Variants in VAT1L observed in about 807,000 individuals in gnomAD.
VAT1L encodes the protein vesicle amine transport 1 like, also known as putative NADPH-dependent quinone oxidoreductase VAT1L.
In VAT1L, 34 loss-of-function variants were observed where a neutral mutation model predicts 44.1. That is an observed-to-expected ratio of 0.77 (90% CI 0.59 to 1.03). VAT1L has a LOEUF of 1.03. Among genes scored for constraint, VAT1L ranks in the 50% least tolerant of loss-of-function variants. The pLI, the probability that VAT1L is intolerant of heterozygous loss-of-function variation, is 0.00. For synonymous variants in VAT1L, 253 were observed against 202.2 expected (o/e 1.25, Z -2.13); for missense variants, 615 against 538.8 (o/e 1.14, Z -1.40).
Position 77,797,137 on chromosome 16 carries a change from G to A in VAT1L, c.233+8222G>A, listed in dbSNP as rs144598951. 8.5e-4 allele frequency among the ~76,000 whole-genome samples: 129 copies of A among 151,260 alleles called. 2 individuals are homozygous for A. In the East Asian group the frequency reaches 0.024, roughly 29 times the overall value. On this transcript the variant is annotated intron_variant, in intron 1 of 8. Transcript: ENST00000302536. ...AAATCTTTTTTTTTTTTTGAGATGG[G>A]GTCTCGCTCTATCACCCAGGCTGGA...
In VAT1L at chr16:77,978,992, C is replaced by G. The variant is rs919108024; in HGVS notation, c.*1297C>G. On this transcript the variant is annotated 3_prime_UTR_variant, in exon 9 of 9. Coordinates refer to ENST00000302536, the MANE Select transcript of VAT1L (RefSeq NM_020927.3). Reference sequence around the variant, plus strand: ...CAAACAAATGTGGAGATACCAGGAGCTCATTTGATTCATACCCCAACTTTG... The same window carrying G: ...CAAACAAATGTGGAGATACCAGGAGGTCATTTGATTCATACCCCAACTTTG... 2.0e-5 allele frequency: 3 copies of G among 152,190 alleles called. No individual in the cohort carries two copies. The highest frequency in any genetic ancestry group is 7.2e-5 in the African/African-American group (3 of 41,430). The allele number at this position is 152,190 out of a possible 1,614,324, so 9.4% of individuals were successfully genotyped here.
At chr16:77,833,945 T>C (rs2145253724) in intron 3 of VAT1L, among the ~76,000 whole-genome samples, 1 of 152,268 alleles carries the variant, frequency 6.6e-6, no homozygotes, top group Non-Finnish European at 1.5e-5. Context: ...CATTCACTGC[T>C]GTTTTACTTC....
At chr16:77,902,827 G>C (rs1172960710) in intron 7 of VAT1L, among the ~76,000 whole-genome samples, 3 of 151,550 alleles carry the variant, frequency 2.0e-5, no homozygotes, top group African/African-American at 4.9e-5. Context: ...CAAAAACCTA[G>C]CTGGGAATGG....
At chr16:77,931,620 T>C (rs2017731925) in intron 7 of VAT1L, among the ~76,000 whole-genome samples, 1 of 152,228 alleles carries the variant, frequency 6.6e-6, no homozygotes, top group Admixed American at 6.5e-5. Context: ...TAAAAAGTGA[T>C]TTTATAATGG....
At chr16:77,903,353 T>C (rs868668184) in intron 7 of VAT1L, among the ~76,000 whole-genome samples, 5 of 152,204 alleles carry the variant, frequency 3.3e-5, no homozygotes, top group Admixed American at 6.5e-5. Flanking sequence ...ATGCATTTGC[T>C]TCTTGAAATA....
At chr16:77,815,718 C>T (rs1458762622) in intron 1 of VAT1L, among the ~76,000 whole-genome samples, 2 of 151,872 alleles carry the variant, frequency 1.3e-5, no homozygotes, top group Non-Finnish European at 2.9e-5. Flanking sequence ...CCTGTAATCC[C>T]AGCAATTTGG....
intron 7 of VAT1L, among the ~76,000 whole-genome samples, chr16:77,964,752 G>A (rs1045441989): frequency 1.4e-5 from 2 of 145,340 alleles, no homozygotes; most frequent in Admixed American, 7.1e-5. Context: ...TCTCCATCGT[G>A]GAACACTGCT....
intron 2 of VAT1L, among the ~76,000 whole-genome samples, chr16:77,824,053 C>T (rs1337155749): frequency 6.6e-6 from 1 of 152,062 alleles, no homozygotes; most frequent in Admixed American, 6.6e-5. Flanking sequence ...AAAGAAAAAC[C>T]TCGCATGAGG....
At chr16:77,902,751 C>A (rs2142477650) in intron 7 of VAT1L, among the ~76,000 whole-genome samples, 1 of 146,292 alleles carries the variant, frequency 6.8e-6, no homozygotes, top group South Asian at 2.2e-4. Flanking sequence ...TGTGGATCAC[C>A]TGAGGTCAGG....
chr16:77,836,795 T>G (rs2016644216), intron 3 of VAT1L, among the ~76,000 whole-genome samples: 1 of 152,276 alleles, frequency 6.6e-6, no homozygotes, highest in South Asian at 2.1e-4. Context: ...AAATCATGAT[T>G]GACTCAAATG....
intron 3 of VAT1L, among the ~76,000 whole-genome samples, chr16:77,862,130 T>C (rs1313182426): frequency 6.6e-6 from 1 of 152,210 alleles, no homozygotes; most frequent in Non-Finnish European, 1.5e-5. Flanking sequence ...CCCATTGACT[T>C]TCCTCTATGC....
chr16:77,952,588 G>A (rs1307642414), intron 7 of VAT1L, among the ~76,000 whole-genome samples: 1 of 152,120 alleles, frequency 6.6e-6, no homozygotes, highest in Non-Finnish European at 1.5e-5. Flanking sequence ...TGAGCCCCTG[G>A]TGACTCACAC....
At chr16:77,878,271 C>T (rs560842823) in intron 5 of VAT1L, among the ~76,000 whole-genome samples, 38 of 152,284 alleles carry the variant, frequency 2.5e-4, no homozygotes, top group Admixed American at 2.2e-3. Flanking sequence ...GTTACTTTTG[C>T]ACCAACTTAT....
At chr16:77,911,446 A>G (rs2017498873) in intron 7 of VAT1L, among the ~76,000 whole-genome samples, 1 of 152,136 alleles carries the variant, frequency 6.6e-6, no homozygotes, top group South Asian at 2.1e-4. Flanking sequence ...GCCCCTGCCC[A>G]AGGCCCTGGG....
At chr16:77,975,305 G>T (rs1441026157) in intron 8 of VAT1L, among the ~76,000 whole-genome samples, 2 of 141,208 alleles carry the variant, frequency 1.4e-5, no homozygotes, top group Non-Finnish European at 3.0e-5. Flanking sequence ...CGCCTTCCGG[G>T]TTCAAGTAAT....
intron 3 of VAT1L, among the ~76,000 whole-genome samples, chr16:77,857,880 A>G (rs2016877472): frequency 6.6e-6 from 1 of 151,302 alleles, no homozygotes; most frequent in African/African-American, 2.4e-5. Flanking sequence ...TTTAAAATAG[A>G]AATAGTGAAG....
At chr16:77,925,299 T>G (rs922561498) in intron 7 of VAT1L, among the ~76,000 whole-genome samples, 3 of 152,174 alleles carry the variant, frequency 2.0e-5, no homozygotes, top group African/African-American at 7.2e-5. Context: ...GGTTGCAGAA[T>G]TGGCCAAACC....
At chr16:77,796,269 A>G (rs891272072) in intron 1 of VAT1L, among the ~76,000 whole-genome samples, 20 of 152,228 alleles carry the variant, frequency 1.3e-4, no homozygotes, top group African/African-American at 4.8e-4. Flanking sequence ...AATGTCAGGT[A>G]GCTGATGATG....
At chr16:77,881,328 A>G (rs191896766) in intron 6 of VAT1L, among the ~76,000 whole-genome samples, 5 of 152,314 alleles carry the variant, frequency 3.3e-5, no homozygotes, top group Non-Finnish European at 7.4e-5. Flanking sequence ...TACAGCACAT[A>G]AGATAGGTGC....
Sources: gnomAD v4.1 joint callset for allele counts (sites outside exome capture counted in the v4.1 genomes callset) on GRCh38, gnomAD v4.1.1 for gene constraint, MANE v1.5 for transcripts, NCBI Gene and HGNC (gene_info 2026-07-23, HGNC 2026-07-21) for gene names.